Variants in ZNF622 observed in about 807,000 individuals in gnomAD.
ZNF622 encodes the protein cytoplasmic 60S subunit biogenesis factor ZNF622.
Under a neutral mutation model 49.7 loss-of-function variants are expected in ZNF622, and 34 were observed. That is an observed-to-expected ratio of 0.68 (90% CI 0.52 to 0.91). The LOEUF is 0.91. Among genes scored for constraint, ZNF622 ranks in the 40% least tolerant of loss-of-function variants. ZNF622 has a pLI of 0.00. For missense variants in ZNF622, 569 were observed against 616.4 expected, an observed-to-expected ratio of 0.92 and a Z score of 0.81; for synonymous variants, 209 against 228.7, an observed-to-expected ratio of 0.91 and a Z score of 0.78.
intron 3 of ZNF622, among the ~76,000 whole-genome samples, chr5:16,459,221 T>C (rs374914870): frequency 1.3e-5 from 2 of 152,178 alleles, no homozygotes; most frequent in East Asian, 3.8e-4. Flanking sequence ...TATTCATAGA[T>C]ACACATGAAA....
In ZNF622 at chr5:16,453,165, CAAAAG is replaced by C; in HGVS notation, c.1163-14_1163-10del. ...ATGACCCACTCTGGCACCTGTTTTT[CAAAAG>C]AGCAATACTGAAACACTGAGTTGGA... On this transcript the variant is annotated splice_polypyrimidine_tract_variant and intron_variant, in intron 4 of 5. Transcript: ENST00000308683. 1 of 1,495,438 alleles carries C rather than the reference CAAAAG, an allele frequency of 6.7e-7. No individual in the cohort carries two copies. Among genetic ancestry groups the C allele is most frequent in the Non-Finnish European group, 9.0e-7 (1 of 1,112,394 alleles). The allele number at this position is 1,495,438 out of a possible 1,614,324, so 92.6% of individuals were successfully genotyped here.
chr5:16,462,560 GGAGGATCATCT>G (rs1291734319), intron 3 of ZNF622, among the ~76,000 whole-genome samples: 1 of 152,086 alleles, frequency 6.6e-6, no homozygotes, highest in African/African-American at 2.4e-5. Context: ...GGCTGTGGTG[GGAGGATCATCT>G]GAGCTCAGGG....
chr5:16,463,637 G>T lies in ZNF622; in HGVS notation c.731C>A (p.Pro244Gln). 6.2e-7 allele frequency: 1 copy of T among 1,614,172 alleles called. No individual in the cohort carries two copies. The highest frequency in any genetic ancestry group is 1.1e-5 in the South Asian group (1 of 91,074). ...CGTGATAGGGATGGCACCAAGGGGTGGGCCTTCCTCAGCCTCTTCCTCCTC... is the reference window on the plus strand; with the variant it reads ...CGTGATAGGGATGGCACCAAGGGGTTGGCCTTCCTCAGCCTCTTCCTCCTC... Reference protein sequence around the residue: ...DAEEEEAEEGPPLGAIPITDC... With the variant: ...DAEEEEAEEGQPLGAIPITDC... The change falls in exon 2 of 6, where the codon CCA becomes CAA. Residue 244 changes from proline to glutamine, a missense_variant. Physicochemically the swap from Pro to Gln is moderately conservative, Grantham distance 76. Coordinates refer to ENST00000308683, the MANE Select transcript of ZNF622 (RefSeq NM_033414.3). The surrounding 1 kb of genome is among the most constrained non-coding windows in gnomAD (Gnocchi z 4.2).
At position 16,463,390 on chromosome 5, in the gene ZNF622, A is replaced by C; in HGVS notation, c.886+92T>G. On this transcript the variant is annotated intron_variant, in intron 2 of 5. Coordinates refer to ENST00000308683, the MANE Select transcript of ZNF622 (RefSeq NM_033414.3). The surrounding 1 kb of genome is among the most constrained non-coding windows in gnomAD (Gnocchi z 4.2). ...AAATAACCAAGCAATTATATCAAAG[A>C]TTGATGAAAAATGCAAAACTAATGT... 6.7e-7 allele frequency: 1 copy of C among 1,503,674 alleles called. No individual in the cohort carries two copies. Among genetic ancestry groups the C allele is most frequent in the Non-Finnish European group, 9.0e-7 (1 of 1,115,308 alleles). The allele number at this position is 1,503,674 out of a possible 1,614,324, so 93.1% of individuals were successfully genotyped here. A position where few individuals can be genotyped will look rare whatever the true frequency, so the allele number is the denominator to read the frequency against.
Position 16,451,743 on chromosome 5 carries a change from T to A in ZNF622, c.1348A>T (p.Arg450Trp). Residue 450 changes from arginine (R) to tryptophan (W), a missense_variant, in exon 6 of 6, where the codon AGG becomes TGG. Coordinates refer to ENST00000308683, the MANE Select transcript of ZNF622 (RefSeq NM_033414.3). ...TTCAGCATCCATTTTGATTTCATCC[T>A]TTGGACATACTGCATGTCTCGCTCT... ...MRERDMQYVQ[R>W]MKSKWMLKTG... is the part of the protein sequence containing the mutation. 6.2e-7 allele frequency: 1 copy of A among 1,614,162 alleles called. No individual in the cohort carries two copies. Among genetic ancestry groups the A allele is most frequent in the Non-Finnish European group, 8.5e-7 (1 of 1,180,010 alleles).
intron 4 of ZNF622, among the ~76,000 whole-genome samples, chr5:16,455,173 C>T (rs765584211): frequency 2.0e-5 from 3 of 152,188 alleles, no homozygotes; most frequent in Non-Finnish European, 4.4e-5. Context: ...AGGTAGAACC[C>T]TGTGTACGGT....
At chr5:16,458,216 GATAA>G (rs1029844984) in intron 4 of ZNF622, among the ~76,000 whole-genome samples, 1 of 103,722 alleles carries the variant, frequency 9.6e-6, no homozygotes, top group Non-Finnish European at 2.1e-5. Flanking sequence ...GACCAAAAAA[GATAA>G]ATAAATAAAG....
At chr5:16,453,214 G>A (rs527314371) in intron 4 of ZNF622, 58 bp from the exon 5 acceptor site, 2 of 1,353,530 alleles carry the variant, frequency 1.5e-6, no homozygotes, top group Non-Finnish European at 1.9e-6. Flanking sequence ...TCAAGGCAGA[G>A]CTATAAAGCA....
rs1248492302 is a variant in ZNF622 at position 16,465,147 on chromosome 5, C to T, written c.519G>A (p.Pro173=). ...TGGRGTHDRD[P]SEKPPRLQWF... ...ACTGGAGCCGGGGTGGTTTCTCACT[C>T]GGGTCTCGGTCGTGGGTCCCACGGC... Residue 173 remains proline, a synonymous_variant, in exon 1 of 6, where the codon CCG becomes CCA. Transcript: ENST00000308683. The surrounding 1 kb of genome is among the most constrained non-coding windows in gnomAD (Gnocchi z 6.2). 5 of 1,614,046 alleles carry T rather than the reference C, an allele frequency of 3.1e-6. No individual in the cohort carries two copies. The African/African-American group carries it at 4.0e-5, about 13-fold the overall frequency.
chr5:16,458,633 TA>T lies in ZNF622; in HGVS notation c.1050-5del. ...CTTGTGATCTGGATAGCTACTCCTA[TA>T]ACAGAGAAATTGCACTAATAAATAG... On this transcript the variant is annotated splice_region_variant and splice_polypyrimidine_tract_variant and intron_variant, in intron 3 of 5. Coordinates refer to ENST00000308683, the MANE Select transcript of ZNF622 (RefSeq NM_033414.3). The T allele has an allele frequency of 6.3e-7, 1 of 1,587,252 alleles. No homozygotes were observed. The highest frequency in any genetic ancestry group is 8.6e-7 in the Non-Finnish European group (1 of 1,162,106).
chr5:16,460,201 C>T (rs1257105002), intron 3 of ZNF622, among the ~76,000 whole-genome samples: 2 of 152,078 alleles, frequency 1.3e-5, no homozygotes, highest in East Asian at 1.9e-4. Context: ...CAGTACTAAA[C>T]GTTTAGGGAA....
chr5:16,455,965 G>T (rs1339136026), intron 4 of ZNF622, among the ~76,000 whole-genome samples: 3 of 152,204 alleles, frequency 2.0e-5, no homozygotes, highest in Non-Finnish European at 4.4e-5. Context: ...TCAAGGAAAA[G>T]TATTTTCTAG....
chr5:16,460,136 T>C (rs761459022), intron 3 of ZNF622, among the ~76,000 whole-genome samples: 7 of 152,238 alleles, frequency 4.6e-5, no homozygotes, highest in Admixed American at 1.3e-4. Flanking sequence ...AAATCATCTC[T>C]ATATTACTTA....
intron 4 of ZNF622, among the ~76,000 whole-genome samples, chr5:16,456,705 A>G (rs1168553694): frequency 6.6e-6 from 1 of 152,182 alleles, no homozygotes; most frequent in Non-Finnish European, 1.5e-5. Flanking sequence ...GAGGGACCAG[A>G]AGCGAGAGAA....
intron 3 of ZNF622, among the ~76,000 whole-genome samples, chr5:16,460,076 G>A (rs970327237): frequency 1.3e-5 from 2 of 152,154 alleles, no homozygotes; most frequent in African/African-American, 4.8e-5. Context: ...TCCAGTCCCT[G>A]ATATAAAATG....
At chr5:16,461,584 T>C (rs1232942316) in intron 3 of ZNF622, among the ~76,000 whole-genome samples, 1 of 152,206 alleles carries the variant, frequency 6.6e-6, no homozygotes, top group African/African-American at 2.4e-5. Context: ...TGGTGATCGA[T>C]TCTAATGTAA....
chr5:16,465,137 G>C lies in ZNF622; in HGVS notation c.529C>G (p.Pro177Ala). The stretch of plus-strand genomic sequence containing the variant: ...TGTTCAAACCACTGGAGCCGGGGTG[G>C]TTTCTCACTCGGGTCTCGGTCGTGG... ...GTHDRDPSEK[P>A]PRLQWFEQQA... Residue 177 changes from proline to alanine, a missense_variant, in exon 1 of 6, where the codon CCA (proline) becomes GCA (alanine). Pro to Ala is a conservative substitution (Grantham distance 27, BLOSUM62 -1). Coordinates refer to ENST00000308683, the MANE Select transcript of ZNF622 (RefSeq NM_033414.3). The surrounding 1 kb of genome is among the most constrained non-coding windows in gnomAD (Gnocchi z 6.2). The C allele has an allele frequency of 6.2e-7, 1 of 1,614,160 alleles. No homozygotes were observed. The highest frequency in any genetic ancestry group is 8.5e-7 in the Non-Finnish European group (1 of 1,180,016).
intron 3 of ZNF622, 123 bp downstream of exon 3, chr5:16,462,985 G>A: frequency 2.2e-6 from 2 of 923,774 alleles, no homozygotes; most frequent in Non-Finnish European, 1.6e-6. Flanking sequence ...CTAATACAGA[G>A]GTGTTATAAG....
In ZNF622 at chr5:16,465,739, A is replaced by C. The variant is rs1017510382; in HGVS notation, c.-74T>G. On this transcript the variant is annotated 5_prime_UTR_variant, in exon 1 of 6. Coordinates refer to ENST00000308683, the MANE Select transcript of ZNF622 (RefSeq NM_033414.3). The surrounding 1 kb of genome is among the most constrained non-coding windows in gnomAD (Gnocchi z 6.2). ...CGCCGTGGCCCCACAAGACCCTCAG[A>C]CCTTAACCCGCCTCAGCAGCCAGGA... is the stretch of plus-strand genomic sequence containing the variant. The C allele has an allele frequency of 1.4e-6, 2 of 1,454,330 alleles. No homozygotes were observed. Among genetic ancestry groups the C allele is most frequent in the Non-Finnish European group, 1.8e-6 (2 of 1,104,474 alleles). 90.1% of individuals were successfully genotyped at this position (1,454,330 alleles called of 1,614,324 possible).
Sources: gnomAD v4.1 joint callset for allele counts (sites outside exome capture counted in the v4.1 genomes callset) on GRCh38, gnomAD v4.1.1 for gene constraint, Gnocchi (gnomAD v3.1) non-coding constraint, MANE v1.5 for transcripts, NCBI Gene and HGNC (gene_info 2026-07-23, HGNC 2026-07-21) for gene names.